The following EYA2 variants were observed in gnomAD, a reference collection of about 807,000 sequenced individuals.
EYA2 encodes the protein protein phosphatase EYA2.
EYA2 carries 31 observed loss-of-function variants against 69.2 expected under a neutral mutation model. The ratio of observed to expected loss-of-function variants is 0.45; its 90% CI spans 0.34 to 0.60. The LOEUF is 0.60. EYA2 is among the 20% of genes least tolerant of loss of function. The pLI is 0.02. For synonymous variants in EYA2, 257 were observed against 279.4 expected, an observed-to-expected ratio of 0.92 and a Z score of 0.80; for missense variants, 622 against 701.2, an observed-to-expected ratio of 0.89 and a Z score of 1.28.
intron 2 of EYA2, among the ~76,000 whole-genome samples, chr20:47,000,092 G>A (rs527351470): frequency 1.7e-4 from 26 of 152,326 alleles, no homozygotes; most frequent in African/African-American, 6.0e-4. Flanking sequence ...GTGGCCCTGG[G>A]TGAGTTACTT....
At chr20:46,941,751 G>T (rs565940450) in intron 1 of EYA2, among the ~76,000 whole-genome samples, 14 of 152,070 alleles carry the variant, frequency 9.2e-5, no homozygotes, top group African/African-American at 3.4e-4. Context: ...TGATAGACAT[G>T]GGTTCTTTTT....
chr20:46,994,790 G>T (rs1981908064), intron 2 of EYA2, among the ~76,000 whole-genome samples: 1 of 151,946 alleles, frequency 6.6e-6, no homozygotes, highest in African/African-American at 2.4e-5. Context: ...TCCCATCGTG[G>T]CCTCCACAGG....
chr20:47,048,781 ATAT>A (rs1263757266), intron 5 of EYA2, among the ~76,000 whole-genome samples: 1 of 152,134 alleles, frequency 6.6e-6, no homozygotes, highest in East Asian at 1.9e-4. Flanking sequence ...TCCCTGGCAG[ATAT>A]TATGAAATGT....
intron 1 of EYA2, among the ~76,000 whole-genome samples, chr20:46,930,450 G>T (rs1333293): frequency 0.95 from 145,003 of 152,186 alleles, 69,133 homozygotes; most frequent in Non-Finnish European, 0.97. Context: ...TTTTTTTGAC[G>T]TGAGAATCCA....
intron 7 of EYA2, among the ~76,000 whole-genome samples, chr20:47,081,328 TA>T (rs1022849176): frequency 4.7e-5 from 7 of 148,498 alleles, no homozygotes; most frequent in South Asian, 2.1e-4. Context: ...GTGTTTTTAG[TA>T]AAAAAAAAAT....
At chr20:47,162,407 C>T (rs1392499799) in intron 10 of EYA2, among the ~76,000 whole-genome samples, 1 of 151,926 alleles carries the variant, frequency 6.6e-6, no homozygotes, top group Non-Finnish European at 1.5e-5. Context: ...ATACTAGTTT[C>T]TATCCCTAGT....
intron 9 of EYA2, among the ~76,000 whole-genome samples, chr20:47,130,256 A>ATTTTTTTTTTTTTTTTTTTTTTT (rs1392782309): frequency 1.4e-5 from 1 of 69,782 alleles, no homozygotes; most frequent in African/African-American, 7.7e-5. Context: ...AAGAAGGTTT[A>ATTTTTTTTTTTTTTTTTTTTTTT]TTTTCTTTTT....
In EYA2 at chr20:47,001,446, C is replaced by T. The variant is rs868418150; in HGVS notation, c.128C>T (p.Pro43Leu). ...SDRQGITKSA[P>L]LRVSQLFSRS... ...CCTGCAGGCATCACCAAATCGGCCC[C>T]CCTGAGAGTGTCCCAGCTCTTCTCC... The change falls in exon 3 of 16, where the codon CCC becomes CTC. Residue 43 changes from proline (P) to leucine (L), a missense_variant. Physicochemically the swap from Pro to Leu is moderately conservative, Grantham distance 98. Transcript: ENST00000327619. 2.5e-6 allele frequency: 4 copies of T among 1,614,056 alleles called. No individual in the cohort carries two copies. The Admixed American group carries it at 6.7e-5, about 27-fold the overall frequency.
chr20:46,972,973 T>G (rs1437273271), intron 1 of EYA2, among the ~76,000 whole-genome samples: 1 of 152,230 alleles, frequency 6.6e-6, no homozygotes, highest in African/African-American at 2.4e-5. Flanking sequence ...AAAGAATTGA[T>G]TCAGGCCACA....
intron 8 of EYA2, among the ~76,000 whole-genome samples, chr20:47,093,976 A>G (rs2032168729): frequency 6.6e-6 from 1 of 152,152 alleles, no homozygotes; most frequent in Non-Finnish European, 1.5e-5. Context: ...CCAAAAGACA[A>G]TTACTTTCTT....
chr20:47,100,358 G>C (rs558925189), intron 9 of EYA2, among the ~76,000 whole-genome samples: 2 of 152,318 alleles, frequency 1.3e-5, no homozygotes, highest in African/African-American at 4.8e-5. Flanking sequence ...AACAGGAGCA[G>C]AGGAGGACTG....
intron 7 of EYA2, among the ~76,000 whole-genome samples, chr20:47,078,329 GCGCACA>G (rs1267105927): frequency 4.8e-4 from 56 of 116,164 alleles, no homozygotes; most frequent in African/African-American, 9.8e-4. Context: ...GCGCGCGCGC[GCGCACA>G]CACACACACA....
At position 47,172,843 on chromosome 20, in the gene EYA2, A is replaced by G. The variant is rs1481970095; in HGVS notation, c.1174A>G (p.Asn392Asp). The G allele has an allele frequency of 3.1e-6, 5 of 1,613,268 alleles. No homozygotes were observed. Among genetic ancestry groups the G allele is most frequent in the Middle Eastern group, 1.7e-4 (1 of 6,056 alleles). The change falls in exon 12 of 16, where the codon AAT becomes GAT. Residue 392 changes from asparagine (N) to aspartate (D), a missense_variant. Asn to Asp is a conservative substitution (Grantham distance 23). Coordinates refer to ENST00000327619, the MANE Select transcript of EYA2 (RefSeq NM_005244.5). ...FRYRRVKEMYNTYKNNVGGLI... is the reference protein window; with the variant it reads ...FRYRRVKEMYDTYKNNVGGLI... ...CTACCGGCGGGTGAAGGAGATGTACAATACCTACAAGAACAACGTTGGTGG... is the reference window on the plus strand; with the variant it reads ...CTACCGGCGGGTGAAGGAGATGTACGATACCTACAAGAACAACGTTGGTGG...
At chr20:46,949,337 T>C (rs562424269) in intron 1 of EYA2, among the ~76,000 whole-genome samples, 1 of 152,180 alleles carries the variant, frequency 6.6e-6, no homozygotes, top group South Asian at 2.1e-4. Context: ...GTGGGGAGGG[T>C]TTAACACTTT....
chr20:46,945,300 C>T (rs910364359), intron 1 of EYA2, among the ~76,000 whole-genome samples: 3 of 152,082 alleles, frequency 2.0e-5, no homozygotes, highest in Non-Finnish European at 4.4e-5. Context: ...CCTGGCAGTT[C>T]GTAAGTGCTG....
At chr20:46,911,398 G>A (rs1179875170) in intron 1 of EYA2, among the ~76,000 whole-genome samples, 2 of 152,186 alleles carry the variant, frequency 1.3e-5, no homozygotes, top group African/African-American at 4.8e-5. Context: ...GAGGAAAGCT[G>A]TTCTTCTGCA....
chr20:47,129,121 T>C (rs2033271221), intron 9 of EYA2, among the ~76,000 whole-genome samples: 1 of 152,022 alleles, frequency 6.6e-6, no homozygotes, highest in Non-Finnish European at 1.5e-5. Context: ...AAGACTCTTG[T>C]CTCAAAAAAA....
At chr20:47,113,378 G>A (rs933548803) in intron 9 of EYA2, among the ~76,000 whole-genome samples, 1 of 152,144 alleles carries the variant, frequency 6.6e-6, no homozygotes. Flanking sequence ...CAGGAGAGAG[G>A]GGCTGATCGG....
chr20:46,989,514 G>A (rs181142171), intron 1 of EYA2, among the ~76,000 whole-genome samples: 6 of 152,244 alleles, frequency 3.9e-5, no homozygotes, highest in African/African-American at 9.6e-5. Flanking sequence ...TGATCCACCC[G>A]CCTCAGCGTC....
Sources: allele counts gnomAD v4.1 joint callset (sites outside exome capture counted in the v4.1 genomes callset), GRCh38; gene constraint gnomAD v4.1.1; transcripts MANE v1.5; gene names NCBI Gene and HGNC (gene_info 2026-07-23, HGNC 2026-07-21).